The following SLFN12L variants were observed in gnomAD, a reference collection of about 807,000 sequenced individuals.
SLFN12L encodes schlafen family member 12 like.
In SLFN12L, 34 loss-of-function variants were observed where a neutral mutation model predicts 34.8. The ratio of observed to expected loss-of-function variants is 0.98; its 90% CI spans 0.74 to 1.30. The LOEUF (loss-of-function observed/expected upper bound fraction) is 1.30, where lower values mean the gene tolerates loss of function less well. Among genes scored for constraint, SLFN12L ranks in the 50% most tolerant of loss-of-function variants. The probability of loss-of-function intolerance (pLI) is 0.00; values close to 1 mark genes in which losing one functional copy is unlikely to be tolerated. For synonymous variants in SLFN12L, 259 were observed against 247.5 expected (o/e 1.05, Z -0.44); for missense variants, 703 against 696.2 (o/e 1.01, Z -0.11).
chr17:35,516,142 A>G (rs1915822011), intron 2 of SLFN12L, among the ~76,000 whole-genome samples: 1 of 152,204 alleles, frequency 6.6e-6, no homozygotes, highest in African/African-American at 2.4e-5. Context: ...AAGATAGTTT[A>G]TCTTTCTGAG....
chr17:35,536,946 T>C (rs1323697147), intron 1 of SLFN12L, among the ~76,000 whole-genome samples: 1 of 151,604 alleles, frequency 6.6e-6, no homozygotes, highest in Admixed American at 6.6e-5. Flanking sequence ...GAGGCCAAGG[T>C]GGGACGATTA....
chr17:35,533,617 G>T (rs1235110341), intron 1 of SLFN12L, among the ~76,000 whole-genome samples: 2 of 152,230 alleles, frequency 1.3e-5, no homozygotes, highest in East Asian at 1.9e-4. Context: ...GTGAAGAAGG[G>T]GGGGAAGAAT....
At chr17:35,515,255 C>T (rs1915777995) in intron 2 of SLFN12L, 2 of 461,756 alleles carry the variant, frequency 4.3e-6, no homozygotes, top group Admixed American at 2.9e-5. Flanking sequence ...ACAAACCATC[C>T]GAGCACAGGG....
rs146919256 is a variant in SLFN12L, at chr17:35,522,866, G to C, written c.-502C>G. 5,763 of 942,532 alleles carry C rather than the reference G, an allele frequency of 6.1e-3. 27 individuals carry two copies. The highest frequency in any genetic ancestry group is 6.7e-3 in the Non-Finnish European group (4,034 of 602,194). The allele number at this position is 942,532 out of a possible 1,614,324, so 58.4% of individuals were successfully genotyped here. ...TAGAGAGGATCACAATTCCCCAGGA[G>C]AAAGGTTGGGTTTGCTTATTTATTA... On this transcript the variant is annotated 5_prime_UTR_variant, in exon 2 of 5. Transcript: ENST00000628453.
rs953230215 is a variant in SLFN12L, at chr17:35,498,441, C to G, written c.87-18246G>C. 17 of 1,308,888 alleles carry G rather than the reference C, an allele frequency of 1.3e-5. No individual in the cohort carries two copies. The African/African-American group carries it at 1.5e-4, about 11-fold the overall frequency. The allele number at this position is 1,308,888 out of a possible 1,614,324, so 81.1% of individuals were successfully genotyped here. The stretch of plus-strand genomic sequence containing the variant: ...CCAGCAATATGAAGTACAGTTTGGA[C>G]GACTGCGGAATTTTCTCATCGATTC... On this transcript the variant is annotated intron_variant, in intron 2 of 4. Coordinates refer to ENST00000628453, the MANE Select transcript of SLFN12L (RefSeq NM_001363830.2).
At position 35,465,007 on chromosome 17, in the gene SLFN12L, G is replaced by C. The variant is rs1913699202; in HGVS notation, c.*9916C>G. On this transcript the variant is annotated 3_prime_UTR_variant, in exon 5 of 5. Coordinates refer to ENST00000628453, the MANE Select transcript of SLFN12L (RefSeq NM_001363830.2). ...TTCTCCTGCCTCAGCTTCCCAAGTA[G>C]CTGGGACTACGGGAGCACACCACCA... Among the ~76,000 whole-genome samples, 2 of 152,240 alleles carry C rather than the reference G, an allele frequency of 1.3e-5. No individual in the cohort carries two copies. Among genetic ancestry groups the C allele is most frequent in the East Asian group, 3.9e-4 (2 of 5,176 alleles).
At chr17:35,510,995 G>A (rs866394421) in intron 2 of SLFN12L, among the ~76,000 whole-genome samples, 9 of 152,052 alleles carry the variant, frequency 5.9e-5, no homozygotes, top group South Asian at 2.1e-4. Flanking sequence ...GAGAAATGGC[G>A]TATATTAGAA....
Position 35,515,260 on chromosome 17 carries a change from A to C in SLFN12L, c.86+7019T>G, listed in dbSNP as rs955792152. 3 of 454,858 alleles carry C rather than the reference A, an allele frequency of 6.6e-6. No individual in the cohort carries two copies. The East Asian group carries it at 1.6e-4, about 24-fold the overall frequency. 28.2% of individuals were successfully genotyped at this position (454,858 alleles called of 1,614,324 possible). Reference sequence around the variant, plus strand: ...GCGGTTGCCCACAAACCATCCGAGCACAGGGAGCCGCTCAGACCCGACGCC... The same window carrying C: ...GCGGTTGCCCACAAACCATCCGAGCCCAGGGAGCCGCTCAGACCCGACGCC... On this transcript the variant is annotated intron_variant, in intron 2 of 4. Coordinates refer to ENST00000628453, the MANE Select transcript of SLFN12L (RefSeq NM_001363830.2).
In SLFN12L at chr17:35,474,574, T is replaced by C. The variant is rs1442354696; in HGVS notation, c.*349A>G. 1 of 220,534 alleles carries C rather than the reference T, an allele frequency of 4.5e-6. No homozygotes were observed. Among genetic ancestry groups the C allele is most frequent in the East Asian group, 1.2e-4 (1 of 8,618 alleles). The allele number at this position is 220,534 out of a possible 1,614,324, so 13.7% of individuals were successfully genotyped here. ...GACAAGATTTAAACATCCTTATCTA[T>C]ACTGATTATCTGGGAGATGCTGGAA... On this transcript the variant is annotated 3_prime_UTR_variant, in exon 5 of 5. Transcript: ENST00000628453.
At position 35,522,350 on chromosome 17, in the gene SLFN12L, C is replaced by A; in HGVS notation, c.15G>T (p.Arg5Ser). 6.2e-7 allele frequency: 1 copy of A among 1,614,204 alleles called. No homozygotes were observed. Among genetic ancestry groups the A allele is most frequent in the Non-Finnish European group, 8.5e-7 (1 of 1,180,034 alleles). ...TGTGTGCCTCACAGTGAAACACATT[C>A]CTGATCTTCTCCATGATCTTCATGG... Reference protein sequence around the residue: MEKIRNVFHCEAHRI... With the variant: MEKISNVFHCEAHRI... The change falls in exon 2 of 5, where the codon AGG becomes AGT. Residue 5 changes from arginine to serine, a missense_variant. By Grantham distance (110) the Arg-to-Ser change is moderately radical. Transcript: ENST00000628453.
At chr17:35,536,752 T>C (rs1219827033) in intron 1 of SLFN12L, among the ~76,000 whole-genome samples, 1 of 151,034 alleles carries the variant, frequency 6.6e-6, no homozygotes, top group East Asian at 1.9e-4. Context: ...GAGACTGCAG[T>C]GAGCCACGAT....
At chr17:35,537,474 AGAG>A (rs1480649529) in intron 1 of SLFN12L, 96 bp downstream of exon 1, 3 of 152,370 alleles carry the variant, frequency 2.0e-5, no homozygotes, top group Non-Finnish European at 2.9e-5. Context: ...CTGTAGCCAC[AGAG>A]GAGATTTTCA....
chr17:35,497,224 G>A (rs1351734027), intron 2 of SLFN12L, among the ~76,000 whole-genome samples: 1 of 151,986 alleles, frequency 6.6e-6, no homozygotes, highest in African/African-American at 2.4e-5. Context: ...AACCTAGTCT[G>A]TACCAAAAAT....
At position 35,487,771 on chromosome 17, in the gene SLFN12L, T is replaced by C. The variant is rs941705817; in HGVS notation, c.87-7576A>G. On this transcript the variant is annotated intron_variant, in intron 2 of 4. Coordinates refer to ENST00000628453, the MANE Select transcript of SLFN12L (RefSeq NM_001363830.2). ...GCACTCTTCACCAAGTAGGGGGACC[T>C]GAGTTCTTTTCCACTTTCCTGCTCT... 8.5e-6 allele frequency: 13 copies of C among 1,535,744 alleles called. No homozygotes were observed. The Admixed American group carries it at 1.4e-4, about 16-fold the overall frequency.
intron 2 of SLFN12L, chr17:35,490,102 A>G: frequency 1.2e-6 from 2 of 1,606,460 alleles, no homozygotes; most frequent in Non-Finnish European, 1.7e-6. Context: ...CCAGTGCCCC[A>G]GGCGCGGAGC....
chr17:35,520,964 A>G (rs927418372), intron 2 of SLFN12L, among the ~76,000 whole-genome samples: 3 of 151,982 alleles, frequency 2.0e-5, no homozygotes, highest in Non-Finnish European at 2.9e-5. Context: ...CTTCCCCCCA[A>G]TCAGGATGGC....
chr17:35,528,658 GGA>G (rs1281145365), intron 1 of SLFN12L, among the ~76,000 whole-genome samples: 1 of 152,136 alleles, frequency 6.6e-6, no homozygotes, highest in Non-Finnish European at 1.5e-5. Context: ...AACTGAAAGT[GGA>G]CCCCTTCCTT....
In SLFN12L at chr17:35,468,296, A is replaced by G. The variant is rs543204191; in HGVS notation, c.*6627T>C. Among the ~76,000 whole-genome samples the G allele has an allele frequency of 1.3e-5, 2 of 152,224 alleles. No homozygotes were observed. Among genetic ancestry groups the G allele is most frequent in the East Asian group, 1.9e-4 (1 of 5,186 alleles). On this transcript the variant is annotated 3_prime_UTR_variant, in exon 5 of 5. Transcript: ENST00000628453. ...TCCATACAAGCCATTGTTTTAATCA[A>G]TCATGGCAAATGCTAAGACCCACAT...
At chr17:35,508,580 C>T (rs1311971365) in intron 2 of SLFN12L, among the ~76,000 whole-genome samples, 3 of 152,184 alleles carry the variant, frequency 2.0e-5, no homozygotes, top group African/African-American at 2.4e-5. Flanking sequence ...AATCTCCTGA[C>T]CTCGTGATCT....
Sources: allele counts gnomAD v4.1 joint callset (sites outside exome capture counted in the v4.1 genomes callset), GRCh38; gene constraint gnomAD v4.1.1; transcripts MANE v1.5; gene names NCBI Gene and HGNC (gene_info 2026-07-23, HGNC 2026-07-21).